OXR1: variants seen among roughly 807,000 people sequenced by gnomAD.
The protein encoded by OXR1 is oxidation resistance 1.
Under a neutral mutation model 104.6 loss-of-function variants are expected in OXR1, and 41 were observed. The observed-to-expected ratio is 0.39, with a 90% CI of 0.31 to 0.51. The LOEUF is 0.51. OXR1 is among the 20% of genes least tolerant of loss of function. OXR1 has a pLI of 0.77. For missense variants in OXR1, 955 were observed against 1,031.9 expected, an observed-to-expected ratio of 0.93 and a Z score of 1.02; for synonymous variants, 348 against 348.4, an observed-to-expected ratio of 1.00 and a Z score of 0.01.
At chr8:106,435,255 C>T (rs893502383) in intron 2 of OXR1, among the ~76,000 whole-genome samples, 1 of 152,064 alleles carries the variant, frequency 6.6e-6, no homozygotes, top group Non-Finnish European at 1.5e-5. Context: ...GGAAGGGGGC[C>T]GTGGAGACTT....
In OXR1 at chr8:106,697,606, G is replaced by T. The variant is rs986625482; in HGVS notation, c.675+4729G>T. 4.3e-6 allele frequency: 7 copies of T among 1,612,716 alleles called. No homozygotes were observed. In the African/African-American group the frequency reaches 9.3e-5, roughly 22 times the overall value. ...GAAGAGCCCATCATCCCAGGCTACTGCCAACCCACCCAGATTCCTCAGCGT... is the reference window on the plus strand; with the variant it reads ...GAAGAGCCCATCATCCCAGGCTACTTCCAACCCACCCAGATTCCTCAGCGT... On this transcript the variant is annotated intron_variant, in intron 7 of 16. Transcript: ENST00000517566.
intron 9 of OXR1, among the ~76,000 whole-genome samples, chr8:106,709,514 TA>T (rs1831488458): frequency 6.6e-6 from 1 of 151,952 alleles, no homozygotes; most frequent in East Asian, 1.9e-4. Flanking sequence ...ATCTGATAGT[TA>T]CCTTATATTA....
chr8:106,317,122 A>G (rs1411543364), intron 1 of OXR1, among the ~76,000 whole-genome samples: 1 of 152,218 alleles, frequency 6.6e-6, no homozygotes, highest in African/African-American at 2.4e-5. Flanking sequence ...CAGCAGTTAC[A>G]GCACAGTTGA....
At chr8:106,487,837 G>C (rs1005500643) in intron 2 of OXR1, among the ~76,000 whole-genome samples, 2 of 151,680 alleles carry the variant, frequency 1.3e-5, no homozygotes, top group African/African-American at 4.9e-5. Context: ...GGACATTTGG[G>C]TTGGTTCCAA....
chr8:106,294,885 C>G (rs1462617685), intron 1 of OXR1, among the ~76,000 whole-genome samples: 1 of 152,126 alleles, frequency 6.6e-6, no homozygotes, highest in Non-Finnish European at 1.5e-5. Context: ...TATCTTTTAA[C>G]CATTCTACAT....
intron 15 of OXR1, among the ~76,000 whole-genome samples, chr8:106,743,674 G>A (rs561534765): frequency 2.7e-4 from 41 of 152,294 alleles, no homozygotes; most frequent in African/African-American, 8.4e-4. Flanking sequence ...TTCAACTGTT[G>A]TAGAAGACAG....
chr8:106,584,613 A>G (rs1017427731), intron 3 of OXR1, among the ~76,000 whole-genome samples: 9 of 152,154 alleles, frequency 5.9e-5, no homozygotes, highest in Non-Finnish European at 1.3e-4. Context: ...TGAATGGTAA[A>G]TGGTAAATTA....
intron 3 of OXR1, among the ~76,000 whole-genome samples, chr8:106,521,576 G>A (rs1282988880): frequency 1.3e-5 from 2 of 152,212 alleles, no homozygotes; most frequent in South Asian, 4.1e-4. Context: ...TCAGTGGTGC[G>A]ATCTCGGCTC....
intron 2 of OXR1, among the ~76,000 whole-genome samples, chr8:106,385,788 G>A (rs1237289606): frequency 6.6e-6 from 1 of 152,064 alleles, no homozygotes; most frequent in Non-Finnish European, 1.5e-5. Context: ...TTCATTATGT[G>A]GGGAGTCTGT....
chr8:106,361,010 A>G (rs994599868), intron 2 of OXR1, among the ~76,000 whole-genome samples: 8 of 152,326 alleles, frequency 5.3e-5, no homozygotes, highest in Admixed American at 3.3e-4. Context: ...CAGGACTAAC[A>G]TTGAGGCCTG....
At chr8:106,730,119 T>G (rs961056341) in intron 11 of OXR1, among the ~76,000 whole-genome samples, 5 of 152,134 alleles carry the variant, frequency 3.3e-5, no homozygotes, top group Admixed American at 3.3e-4. Flanking sequence ...ACAGAAAAAT[T>G]GAATGGAAGG....
intron 11 of OXR1, chr8:106,726,171 T>C: frequency 6.8e-7 from 1 of 1,480,708 alleles, no homozygotes; most frequent in Non-Finnish European, 8.9e-7. Context: ...AAATTTATCT[T>C]TGACAGAGGA....
At chr8:106,417,666 T>C (rs1818734031) in intron 2 of OXR1, among the ~76,000 whole-genome samples, 1 of 152,190 alleles carries the variant, frequency 6.6e-6, no homozygotes, top group Non-Finnish European at 1.5e-5. Context: ...CCCAATTTTG[T>C]GATGTAAACA....
intron 2 of OXR1, among the ~76,000 whole-genome samples, chr8:106,451,565 C>CT (rs1391729400): frequency 6.6e-6 from 1 of 152,044 alleles, no homozygotes; most frequent in Admixed American, 6.6e-5. Flanking sequence ...AGGAAATTTT[C>CT]TTTTTTCTTT....
chr8:106,422,931 G>A (rs570737199), intron 2 of OXR1, among the ~76,000 whole-genome samples: 1 of 152,212 alleles, frequency 6.6e-6, no homozygotes, highest in Non-Finnish European at 1.5e-5. Context: ...TAAAGATATG[G>A]TCAAAATGGT....
At chr8:106,583,416 A>G (rs1229573609) in intron 3 of OXR1, among the ~76,000 whole-genome samples, 3 of 152,170 alleles carry the variant, frequency 2.0e-5, no homozygotes, top group Non-Finnish European at 4.4e-5. Context: ...AAACCTATAA[A>G]TGTAGTAAAT....
At chr8:106,272,899 A>G (rs527298357) in intron 1 of OXR1, 1 of 152,240 alleles carries the variant, frequency 6.6e-6, no homozygotes, top group South Asian at 2.1e-4. Flanking sequence ...ATCATCTGAT[A>G]TGTTTGCCTG....
intron 2 of OXR1, among the ~76,000 whole-genome samples, chr8:106,398,287 A>G (rs1164673219): frequency 6.6e-6 from 1 of 152,156 alleles, no homozygotes; most frequent in East Asian, 1.9e-4. Context: ...CACCTGGGGA[A>G]CTTTGAAAAA....
chr8:106,406,979 T>C (rs960880407), intron 2 of OXR1, among the ~76,000 whole-genome samples: 2 of 152,168 alleles, frequency 1.3e-5, no homozygotes, highest in East Asian at 1.9e-4. Context: ...AACTAAATAC[T>C]CTGGCTGTGC....
Sources: gnomAD v4.1 joint callset for allele counts (sites outside exome capture counted in the v4.1 genomes callset) on GRCh38, gnomAD v4.1.1 for gene constraint, MANE v1.5 for transcripts, NCBI Gene and HGNC (gene_info 2026-07-23, HGNC 2026-07-21) for gene names.